Variants in RASGRF2 observed in about 807,000 individuals in gnomAD.
RASGRF2 encodes the protein Ras protein specific guanine nucleotide releasing factor 2.
Under a neutral mutation model 151.0 loss-of-function variants are expected in RASGRF2, and 76 were observed. The observed-to-expected ratio is 0.50, with a 90% CI of 0.42 to 0.61. The LOEUF (loss-of-function observed/expected upper bound fraction) is 0.61, where lower values mean the gene tolerates loss of function less well. Among genes scored for constraint, RASGRF2 ranks in the 20% least tolerant of loss-of-function variants. The pLI, the probability that RASGRF2 is intolerant of heterozygous loss-of-function variation, is 0.00. For missense variants in RASGRF2, 1,148 were observed against 1,564.6 expected (o/e 0.73, Z 4.49); for synonymous variants, 504 against 566.5 (o/e 0.89, Z 1.57).
chr5:81,049,787 A>G (rs113953024), intron 2 of RASGRF2, among the ~76,000 whole-genome samples: 245 of 152,330 alleles, frequency 1.6e-3, no homozygotes, highest in African/African-American at 5.6e-3. Context: ...AGTAAACGAT[A>G]GAGCTGGAAT....
intron 22 of RASGRF2, among the ~76,000 whole-genome samples, chr5:81,209,920 G>A (rs1201512240): frequency 6.6e-6 from 1 of 152,142 alleles, no homozygotes; most frequent in African/African-American, 2.4e-5. Context: ...CCCAAGCACA[G>A]GATCTAGACG....
intron 12 of RASGRF2, among the ~76,000 whole-genome samples, chr5:81,096,933 ATCTGTTTTT>A (rs1483537413): frequency 1.7e-4 from 26 of 150,420 alleles, no homozygotes; most frequent in African/African-American, 6.1e-4. Flanking sequence ...CAAAAGTTGT[ATCTGTTTTT>A]TCTGTTTTTT....
chr5:80,988,054 G>A (rs1465563553), intron 1 of RASGRF2, among the ~76,000 whole-genome samples: 5 of 122,054 alleles, frequency 4.1e-5, no homozygotes, highest in Non-Finnish European at 5.5e-5. Context: ...TGTGTGTGTA[G>A]TCTTCTTCTT....
intron 1 of RASGRF2, among the ~76,000 whole-genome samples, chr5:80,986,879 A>C (rs371813): frequency 0.73 from 110,930 of 151,980 alleles, 40,526 homozygotes; most frequent in East Asian, 0.79. Flanking sequence ...CTGTTGGCTC[A>C]TTGTAACTGC....
At chr5:81,099,210 T>G (rs1329617725) in intron 12 of RASGRF2, among the ~76,000 whole-genome samples, 6 of 152,240 alleles carry the variant, frequency 3.9e-5, no homozygotes, top group Non-Finnish European at 8.8e-5. Flanking sequence ...TTGTACAGTT[T>G]GCCTCTCAGT....
chr5:81,091,475 A>C (rs1449803828), intron 9 of RASGRF2, among the ~76,000 whole-genome samples: 1 of 152,152 alleles, frequency 6.6e-6, no homozygotes, highest in Non-Finnish European at 1.5e-5. Context: ...TTAGGCCCAG[A>C]ATAGCTGCCT....
intron 2 of RASGRF2, among the ~76,000 whole-genome samples, chr5:81,064,449 C>G (rs1751535376): frequency 6.6e-6 from 1 of 152,132 alleles, no homozygotes; most frequent in South Asian, 2.1e-4. Flanking sequence ...TCACTTAAGT[C>G]CAGCTCACAC....
chr5:81,106,012 A>G lies in RASGRF2; in HGVS notation c.1756-2984A>G, dbSNP rs1219076730. Reference sequence around the variant, plus strand: ...AGTACTTGATAAATGCAGATGTAAGACAGCCATTTAGTAAAATCCCAATGC... The same window carrying G: ...AGTACTTGATAAATGCAGATGTAAGGCAGCCATTTAGTAAAATCCCAATGC... On this transcript the variant is annotated intron_variant, in intron 12 of 26. Coordinates refer to ENST00000265080, the MANE Select transcript of RASGRF2 (RefSeq NM_006909.3). Among the ~76,000 whole-genome samples the G allele has an allele frequency of 2.6e-5, 4 of 152,252 alleles. No homozygotes were observed. The East Asian group carries it at 7.7e-4, about 29-fold the overall frequency.
At chr5:81,036,928 C>CTGTA (rs1750518401) in intron 1 of RASGRF2, among the ~76,000 whole-genome samples, 1 of 152,152 alleles carries the variant, frequency 6.6e-6, no homozygotes, top group Admixed American at 6.6e-5. Context: ...TAAAGACATA[C>CTGTA]CTGAGACTGG....
chr5:81,091,388 C>T (rs1224991424), intron 9 of RASGRF2, among the ~76,000 whole-genome samples: 1 of 152,168 alleles, frequency 6.6e-6, no homozygotes, highest in Non-Finnish European at 1.5e-5. Context: ...CCCATCCCTT[C>T]GTGGGAGTCA....
At chr5:81,213,178 A>C (rs1755662064) in intron 23 of RASGRF2, among the ~76,000 whole-genome samples, 1 of 151,992 alleles carries the variant, frequency 6.6e-6, no homozygotes, top group African/African-American at 2.4e-5. Context: ...GCTTTTGGGC[A>C]CCTGTCTGCT....
At chr5:81,137,885 T>C (rs1231718072) in intron 17 of RASGRF2, among the ~76,000 whole-genome samples, 2 of 152,210 alleles carry the variant, frequency 1.3e-5, no homozygotes, top group Non-Finnish European at 2.9e-5. Context: ...GCATGCCTTG[T>C]AGTTTTTTGT....
chr5:81,020,540 C>T (rs1749790211), intron 1 of RASGRF2, among the ~76,000 whole-genome samples: 1 of 152,058 alleles, frequency 6.6e-6, no homozygotes, highest in Non-Finnish European at 1.5e-5. Context: ...TGGCAAAGTG[C>T]TAGGATTGAG....
chr5:81,141,368 C>T (rs1328937207), intron 17 of RASGRF2, among the ~76,000 whole-genome samples: 2 of 152,166 alleles, frequency 1.3e-5, no homozygotes, highest in African/African-American at 4.8e-5. Context: ...AAGGTCTGAG[C>T]CTCCCTCACT....
intron 4 of RASGRF2, among the ~76,000 whole-genome samples, chr5:81,071,079 A>G (rs1580279366): frequency 6.6e-6 from 1 of 152,274 alleles, no homozygotes; most frequent in East Asian, 1.9e-4. Context: ...TTATAATTGC[A>G]CAACTTTTGC....
Position 81,003,388 on chromosome 5 carries a change from A to C in RASGRF2, c.289-39489A>C, listed in dbSNP as rs1749151565. ...CAGGTGCCCACCACCACGCCCACCT[A>C]ATTTTTTTGTATTTTTAGTAGAGAC... is the stretch of plus-strand genomic sequence containing the variant. On this transcript the variant is annotated intron_variant, in intron 1 of 26. Coordinates refer to ENST00000265080, the MANE Select transcript of RASGRF2 (RefSeq NM_006909.3). 2.6e-5 allele frequency among the ~76,000 whole-genome samples: 4 copies of C among 151,946 alleles called. No individual in the cohort carries two copies. In the South Asian group the frequency reaches 8.3e-4, roughly 32 times the overall value.
At position 81,038,409 on chromosome 5, in the gene RASGRF2, TA is replaced by T. The variant is rs575411824; in HGVS notation, c.289-4467del. ...TGTCCATCTAATGGGAATGAACTGT[TA>T]TTTTTTTTTAGTTTTCATTTCCCTG... is the stretch of plus-strand genomic sequence containing the variant. On this transcript the variant is annotated intron_variant, in intron 1 of 26. Transcript: ENST00000265080. Among the ~76,000 whole-genome samples the T allele has an allele frequency of 2.9e-3, 437 of 148,918 alleles. 4 individuals carry two copies. The highest frequency in any genetic ancestry group is 6.0e-3 in the African/African-American group (250 of 41,344).
At chr5:81,180,976 CATA>C (rs1446166572) in intron 18 of RASGRF2, among the ~76,000 whole-genome samples, 2 of 152,170 alleles carry the variant, frequency 1.3e-5, no homozygotes, top group Admixed American at 6.5e-5. Context: ...CCCACTGCCA[CATA>C]CCAGGCAGGC....
intron 1 of RASGRF2, among the ~76,000 whole-genome samples, chr5:80,975,191 C>T (rs1411498466): frequency 1.3e-5 from 2 of 152,024 alleles, no homozygotes; most frequent in East Asian, 3.9e-4. Flanking sequence ...AAGTGGCAAA[C>T]GCCTCTTTAT....
Sources: gnomAD v4.1 joint callset for allele counts (sites outside exome capture counted in the v4.1 genomes callset) on GRCh38, gnomAD v4.1.1 for gene constraint, MANE v1.5 for transcripts, NCBI Gene and HGNC (gene_info 2026-07-23, HGNC 2026-07-21) for gene names.